The following SNX27 variants were observed in gnomAD, a reference collection of about 807,000 sequenced individuals.
SNX27 encodes sorting nexin-27.
SNX27 carries 22 observed loss-of-function variants against 71.6 expected under a neutral mutation model. The observed-to-expected ratio is 0.31, with a 90% confidence interval of 0.22 to 0.44. SNX27 has a LOEUF of 0.44. Among genes scored for constraint, SNX27 ranks in the 20% least tolerant of loss-of-function variants. SNX27 has a pLI of 1.00. For missense variants in SNX27, 531 were observed against 698.6 expected, an observed-to-expected ratio of 0.76 and a Z score of 2.70; for synonymous variants, 269 against 277.2, an observed-to-expected ratio of 0.97 and a Z score of 0.29.
In SNX27 at chr1:151,664,156, TTA is replaced by T. The variant is rs1019573521; in HGVS notation, c.907-1770_907-1769del. ...TGTTACATATTAAACAATATATACT[TTA>T]TATATAATTATATAATATACTAAAT... On this transcript the variant is annotated intron_variant, in intron 5 of 11. Coordinates refer to ENST00000458013, the MANE Select transcript of SNX27 (RefSeq NM_001330723.2). 1.4e-4 allele frequency among the ~76,000 whole-genome samples: 20 copies of T among 145,384 alleles called. No homozygotes were observed. The South Asian group carries it at 4.2e-3, about 31-fold the overall frequency.
rs1405102267 is a variant in SNX27 at position 151,698,881 on chromosome 1, G to A, written c.*4464G>A. The A allele has an allele frequency of 6.6e-6, 1 of 152,602 alleles. No individual in the cohort carries two copies. The highest frequency in any genetic ancestry group is 1.5e-5 in the Non-Finnish European group (1 of 68,018). The allele number at this position is 152,602 out of a possible 1,614,324, so 9.5% of individuals were successfully genotyped here. On this transcript the variant is annotated 3_prime_UTR_variant, in exon 12 of 12. Coordinates refer to ENST00000458013, the MANE Select transcript of SNX27 (RefSeq NM_001330723.2). ...AATTTATTTCAGAGAAACTCTAATT[G>A]TATTTTCACTGCAGTATCTTGTATT...
At chr1:151,665,848 C>G (rs1670166274) in intron 5 of SNX27, 85 bp from the exon 6 acceptor site, 1 of 1,090,962 alleles carries the variant, frequency 9.2e-7, no homozygotes, top group South Asian at 1.6e-5. Context: ...TCCCCTTTCC[C>G]TCCTCCACAG....
intron 1 of SNX27, among the ~76,000 whole-genome samples, chr1:151,627,270 C>T (rs1171999329): frequency 6.6e-6 from 1 of 152,214 alleles, no homozygotes; most frequent in Non-Finnish European, 1.5e-5. Flanking sequence ...TTCCCATCTG[C>T]CACCCATTTA....
chr1:151,613,021 A>G (rs1010935132), intron 1 of SNX27, among the ~76,000 whole-genome samples: 2 of 150,820 alleles, frequency 1.3e-5, no homozygotes, highest in Admixed American at 6.6e-5. Flanking sequence ...AGTAGGCAGG[A>G]CCTCTGGTCT....
chr1:151,698,840 C>T lies in SNX27; in HGVS notation c.*4423C>T, dbSNP rs1289442784. Reference sequence around the variant, plus strand: ...CAGTGAGCTGGGCTTCAGTTTTTCCCAGGCCATGCACATTTAATTTATTTC... The same window carrying T: ...CAGTGAGCTGGGCTTCAGTTTTTCCTAGGCCATGCACATTTAATTTATTTC... On this transcript the variant is annotated 3_prime_UTR_variant, in exon 12 of 12. Coordinates refer to ENST00000458013, the MANE Select transcript of SNX27 (RefSeq NM_001330723.2). The T allele has an allele frequency of 6.6e-6, 1 of 152,658 alleles. No individual in the cohort carries two copies. The highest frequency in any genetic ancestry group is 2.4e-5 in the African/African-American group (1 of 41,458). 9.5% of individuals were successfully genotyped at this position (152,658 alleles called of 1,614,324 possible). A position where few individuals can be genotyped will look rare whatever the true frequency, so the allele number is the denominator to read the frequency against.
chr1:151,626,508 C>T (rs1441826653), intron 1 of SNX27, among the ~76,000 whole-genome samples: 1 of 152,062 alleles, frequency 6.6e-6, no homozygotes, highest in Non-Finnish European at 1.5e-5. Context: ...TCAAGACCAT[C>T]CTGGCCAGCA....
chr1:151,693,133 G>A lies in SNX27; in HGVS notation c.1518+94G>A, dbSNP rs1671536755. The stretch of plus-strand genomic sequence containing the variant: ...ATAAATGGAGAGAGAGATAGAGCTA[G>A]TAGTTGTCTTGAGATCCGAACCTGT... On this transcript the variant is annotated intron_variant, in intron 10 of 11. Coordinates refer to ENST00000458013, the MANE Select transcript of SNX27 (RefSeq NM_001330723.2). 13 of 1,515,838 alleles carry A rather than the reference G, an allele frequency of 8.6e-6. No homozygotes were observed. In the South Asian group the frequency reaches 1.4e-4, roughly 16 times the overall value. 93.9% of individuals were successfully genotyped at this position (1,515,838 alleles called of 1,614,324 possible). A position where few individuals can be genotyped will look rare whatever the true frequency, so the allele number is the denominator to read the frequency against.
At chr1:151,671,309 C>T (rs1391385757) in intron 7 of SNX27, among the ~76,000 whole-genome samples, 1 of 151,164 alleles carries the variant, frequency 6.6e-6, no homozygotes, top group Non-Finnish European at 1.5e-5. Context: ...ATGATCACAA[C>T]TCACTGCAGC....
intron 7 of SNX27, among the ~76,000 whole-genome samples, chr1:151,682,096 A>G (rs1670994764): frequency 6.6e-6 from 1 of 152,228 alleles, no homozygotes; most frequent in African/African-American, 2.4e-5. Context: ...AGTGCTCTCT[A>G]ATTGTTTACA....
At chr1:151,670,000 A>AT (rs1227157437) in intron 7 of SNX27, among the ~76,000 whole-genome samples, 12 of 151,634 alleles carry the variant, frequency 7.9e-5, no homozygotes, top group Admixed American at 2.6e-4. Flanking sequence ...AATTCTACCT[A>AT]TTTTTTTTGT....
At chr1:151,622,385 A>T (rs1363426613) in intron 1 of SNX27, among the ~76,000 whole-genome samples, 1 of 152,204 alleles carries the variant, frequency 6.6e-6, no homozygotes, top group African/African-American at 2.4e-5. Flanking sequence ...GCGGCCCCAG[A>T]ACAAATTTAC....
rs746585195 is a variant in SNX27 at position 151,672,055 on chromosome 1, G to A, written c.1149+3420G>A. Reference sequence around the variant, plus strand: ...TAGTACTATGTTGAATAACAGTGGTGAAAGTGGGCATCCTTGTGTTCCAGA... The same window carrying A: ...TAGTACTATGTTGAATAACAGTGGTAAAAGTGGGCATCCTTGTGTTCCAGA... On this transcript the variant is annotated intron_variant, in intron 7 of 11. Coordinates refer to ENST00000458013, the MANE Select transcript of SNX27 (RefSeq NM_001330723.2). 7.8e-4 allele frequency among the ~76,000 whole-genome samples: 119 copies of A among 152,270 alleles called. 2 individuals carry two copies. The highest frequency in any genetic ancestry group is 2.1e-3 in the South Asian group (10 of 4,818).
At chr1:151,683,848 G>A (rs1448402755) in intron 8 of SNX27, among the ~76,000 whole-genome samples, 1 of 152,144 alleles carries the variant, frequency 6.6e-6, no homozygotes, top group Non-Finnish European at 1.5e-5. Flanking sequence ...TGTATTTGTA[G>A]TAGAGACAGG....
intron 9 of SNX27, 40 bp downstream of exon 9, chr1:151,692,624 G>T (rs188261773): frequency 2.6e-5 from 41 of 1,593,122 alleles, no homozygotes; most frequent in Admixed American, 2.2e-4. Context: ...GAGGACTGGA[G>T]ATACTTTGAT....
chr1:151,660,987 C>T (rs1571836953), intron 4 of SNX27, 125 bp downstream of exon 4: 1 of 714,118 alleles, frequency 1.4e-6, no homozygotes, highest in East Asian at 2.6e-5. Context: ...TTTTCTACTT[C>T]CTTTTTATAT....
At chr1:151,693,097 C>A (rs1291983576) in intron 10 of SNX27, 58 bp downstream of exon 10, 6 of 1,515,820 alleles carry the variant, frequency 4.0e-6, no homozygotes, top group Non-Finnish European at 5.3e-6. Flanking sequence ...TTTTTTTTTT[C>A]AGCTAAATGC....
At position 151,649,770 on chromosome 1, in the gene SNX27, A is replaced by G. The variant is rs557865201; in HGVS notation, c.544-8465A>G. On this transcript the variant is annotated intron_variant, in intron 2 of 11. Transcript: ENST00000458013. ...ATCCAGGCTGGAGTGCAATGGTGCAATAATAGCCCACTGCAGCCTTGACCT... is the reference window on the plus strand; with the variant it reads ...ATCCAGGCTGGAGTGCAATGGTGCAGTAATAGCCCACTGCAGCCTTGACCT... Among the ~76,000 whole-genome samples, 10 of 152,284 alleles carry G rather than the reference A, an allele frequency of 6.6e-5. No homozygotes were observed. The South Asian group carries it at 1.9e-3, about 28-fold the overall frequency.
intron 8 of SNX27, among the ~76,000 whole-genome samples, chr1:151,688,811 G>A (rs528693160): frequency 9.9e-5 from 15 of 152,080 alleles, no homozygotes; most frequent in African/African-American, 3.4e-4. Context: ...TACTACCTGG[G>A]TGTTTTTTCT....
rs1671692584 is a variant in SNX27 at position 151,696,154 on chromosome 1, A to G, written c.*1737A>G. 1 of 152,198 alleles carries G rather than the reference A, an allele frequency of 6.6e-6. No individual in the cohort carries two copies. The allele number at this position is 152,198 out of a possible 1,614,324, so 9.4% of individuals were successfully genotyped here. A position where few individuals can be genotyped will look rare whatever the true frequency, so the allele number is the denominator to read the frequency against. ...TGATCTTGCAGCTAGACCCTTTGAG[A>G]CTTAAGAGCTGCATCCCAGGATCAG... On this transcript the variant is annotated 3_prime_UTR_variant, in exon 12 of 12. Transcript: ENST00000458013.
Sources: gnomAD v4.1 joint callset for allele counts (sites outside exome capture counted in the v4.1 genomes callset) on GRCh38, gnomAD v4.1.1 for gene constraint, MANE v1.5 for transcripts, NCBI Gene and HGNC (gene_info 2026-07-23, HGNC 2026-07-21) for gene names.